The following LRCH1 variants were observed in gnomAD, a reference collection of about 807,000 sequenced individuals.
The protein encoded by LRCH1 is leucine rich repeats and calponin homology domain containing 1, also known as leucine-rich repeat and calponin homology domain-containing protein 1.
Under a neutral mutation model 94.9 loss-of-function variants are expected in LRCH1, and 23 were observed. That is an observed-to-expected ratio of 0.24 (90% CI 0.17 to 0.34). The LOEUF (loss-of-function observed/expected upper bound fraction) is 0.34, where lower values mean the gene tolerates loss of function less well. Among genes scored for constraint, LRCH1 ranks in the 10% least tolerant of loss-of-function variants. LRCH1 has a pLI of 1.00. For synonymous variants in LRCH1, 364 were observed against 354.9 expected (o/e 1.03, Z -0.29); for missense variants, 790 against 945.9 (o/e 0.84, Z 2.16).
At chr13:46,615,457 A>G (rs372695141) in intron 1 of LRCH1, among the ~76,000 whole-genome samples, 6 of 152,136 alleles carry the variant, frequency 3.9e-5, no homozygotes, top group Non-Finnish European at 8.8e-5. Flanking sequence ...AACGCCTCCC[A>G]CTAGGCCTCA....
intron 19 of LRCH1, among the ~76,000 whole-genome samples, chr13:46,737,875 T>C (rs187340483): frequency 3.0e-4 from 45 of 152,318 alleles, no homozygotes; most frequent in Admixed American, 1.2e-3. Context: ...AGGGCTCTTA[T>C]TAGTATTCTC....
intron 16 of LRCH1, among the ~76,000 whole-genome samples, chr13:46,722,573 C>T (rs959888653): frequency 2.3e-4 from 35 of 152,168 alleles, no homozygotes; most frequent in Non-Finnish European, 4.4e-5. Flanking sequence ...TCTTGGAAGT[C>T]GTAACTTCAA....
rs1373637054 is a variant in LRCH1, at chr13:46,742,740, C to T, written c.*892C>T. On this transcript the variant is annotated 3_prime_UTR_variant, in exon 20 of 20. Coordinates refer to ENST00000389797, the MANE Select transcript of LRCH1 (RefSeq NM_001164211.2). The stretch of plus-strand genomic sequence containing the variant: ...CTGCCGGTCCAGAATGTGACGGATT[C>T]GACTCTATTCATTTTCAAATAAAGC... 10 of 985,248 alleles carry T rather than the reference C, an allele frequency of 1.0e-5. No homozygotes were observed. Among genetic ancestry groups the T allele is most frequent in the South Asian group, 4.7e-5 (1 of 21,288 alleles). The allele number at this position is 985,248 out of a possible 1,614,324, so 61.0% of individuals were successfully genotyped here.
chr13:46,710,951 C>T (rs1364724122), intron 13 of LRCH1, among the ~76,000 whole-genome samples: 2 of 152,070 alleles, frequency 1.3e-5, no homozygotes, highest in African/African-American at 2.4e-5. Flanking sequence ...TGCTCTCAGC[C>T]ACTGTCCCTC....
chr13:46,740,155 T>C (rs1347432545), intron 19 of LRCH1, among the ~76,000 whole-genome samples: 2 of 152,244 alleles, frequency 1.3e-5, no homozygotes, highest in Non-Finnish European at 2.9e-5. Context: ...AAAACTTTTC[T>C]TAGATGTTTC....
chr13:46,712,575 A>G lies in LRCH1; in HGVS notation c.1632A>G (p.Pro544=), dbSNP rs146430358. 6.5e-5 allele frequency: 105 copies of G among 1,613,906 alleles called. 1 individual carries two copies. In the African/African-American group the frequency reaches 1.3e-3, roughly 20 times the overall value. Residue 544 remains proline (P), a synonymous_variant, in exon 15 of 20, where the codon CCA becomes CCG. Coordinates refer to ENST00000389797, the MANE Select transcript of LRCH1 (RefSeq NM_001164211.2). ...CTCCTACCACAAACAGCACAGCTCC[A>G]TTTGGCCTGAAGCCTCGATCAGGTA... ...AVSPTTNSTA[P]FGLKPRSDPA...
chr13:46,573,867 T>TATATATATATATATATATATATATATA (rs1555269135), intron 1 of LRCH1, among the ~76,000 whole-genome samples: 5 of 53,026 alleles, frequency 9.4e-5, no homozygotes, highest in Admixed American at 4.9e-4. Context: ...TATATATATA[T>TATATATATATATATATATATATATATA]TTTTTTTTTT....
chr13:46,638,771 A>T (rs1052722941), intron 1 of LRCH1, among the ~76,000 whole-genome samples: 1 of 152,250 alleles, frequency 6.6e-6, no homozygotes, highest in African/African-American at 2.4e-5. Context: ...AAAAAGTTTG[A>T]TATGCCACTA....
At chr13:46,732,141 G>A (rs948609082) in intron 18 of LRCH1, among the ~76,000 whole-genome samples, 1 of 152,164 alleles carries the variant, frequency 6.6e-6, no homozygotes, top group Non-Finnish European at 1.5e-5. Flanking sequence ...GTGGATGAGA[G>A]CATCTTTTCT....
At chr13:46,652,931 T>C (rs1052647905) in intron 2 of LRCH1, among the ~76,000 whole-genome samples, 5 of 152,236 alleles carry the variant, frequency 3.3e-5, no homozygotes, top group Non-Finnish European at 7.3e-5. Flanking sequence ...TTTTAGAACA[T>C]TAGTAAAATG....
rs566361266 is a variant in LRCH1, at chr13:46,606,396, G to A, written c.308-43805G>A. Among the ~76,000 whole-genome samples, 8 of 152,146 alleles carry A rather than the reference G, an allele frequency of 5.3e-5. No homozygotes were observed. The East Asian group carries it at 1.5e-3, about 29-fold the overall frequency. On this transcript the variant is annotated intron_variant, in intron 1 of 19. Coordinates refer to ENST00000389797, the MANE Select transcript of LRCH1 (RefSeq NM_001164211.2). ...ATGACAAAACTCATGAGTGCATGGG[G>A]AACTTTTTGATATCCTTCCTCATTG...
At chr13:46,698,533 A>G (rs1871310007) in intron 9 of LRCH1, among the ~76,000 whole-genome samples, 2 of 152,174 alleles carry the variant, frequency 1.3e-5, no homozygotes, top group Admixed American at 1.3e-4. Context: ...AATCAGAAGC[A>G]CTTTTCTGTT....
intron 2 of LRCH1, among the ~76,000 whole-genome samples, chr13:46,655,533 C>T (rs979426370): frequency 6.6e-6 from 1 of 152,200 alleles, no homozygotes. Context: ...TAATCCAAGA[C>T]ATGTGGCCAA....
chr13:46,687,394 A>G (rs770793410), intron 5 of LRCH1, among the ~76,000 whole-genome samples: 1 of 152,226 alleles, frequency 6.6e-6, no homozygotes, highest in African/African-American at 2.4e-5. Context: ...ATGCTTTCAG[A>G]TGCTTAACCA....
chr13:46,627,856 C>T (rs1414946619), intron 1 of LRCH1, among the ~76,000 whole-genome samples: 1 of 152,082 alleles, frequency 6.6e-6, no homozygotes, highest in Non-Finnish European at 1.5e-5. Context: ...ACATTATTTT[C>T]TACTTTTTCT....
At chr13:46,715,520 G>T in intron 15 of LRCH1, 40 bp from the exon 16 acceptor site, 2 of 1,206,634 alleles carry the variant, frequency 1.7e-6, no homozygotes, top group Non-Finnish European at 2.4e-6. Flanking sequence ...CCTGGTCCTT[G>T]TGCAACTGTA....
At chr13:46,686,097 A>C in intron 5 of LRCH1, 56 bp downstream of exon 5, 1 of 1,384,580 alleles carries the variant, frequency 7.2e-7, no homozygotes, top group Non-Finnish European at 9.4e-7. Flanking sequence ...TATAGGAGCC[A>C]AGGGAAAATT....
rs551869078 is a variant in LRCH1 at position 46,743,111 on chromosome 13, C to T, written c.*1263C>T. 1.4e-5 allele frequency: 14 copies of T among 985,380 alleles called. No homozygotes were observed. The African/African-American group carries it at 2.3e-4, about 16-fold the overall frequency. The allele number at this position is 985,380 out of a possible 1,614,324, so 61.0% of individuals were successfully genotyped here. A position where few individuals can be genotyped will look rare whatever the true frequency, so the allele number is the denominator to read the frequency against. ...CCTCCTTATTTTACATGCTGTTTGC[C>T]AAATCTTGTTTCTTAGCTTGGGGAG... On this transcript the variant is annotated 3_prime_UTR_variant, in exon 20 of 20. Transcript: ENST00000389797.
chr13:46,652,377 A>G (rs1326670707), intron 2 of LRCH1, among the ~76,000 whole-genome samples: 1 of 144,346 alleles, frequency 6.9e-6, no homozygotes, highest in Non-Finnish European at 1.5e-5. Flanking sequence ...CGTCTGGCCA[A>G]GTGTATTTGT....
Sources: allele counts gnomAD v4.1 joint callset (sites outside exome capture counted in the v4.1 genomes callset), GRCh38; gene constraint gnomAD v4.1.1; transcripts MANE v1.5; gene names NCBI Gene and HGNC (gene_info 2026-07-23, HGNC 2026-07-21).